The following EIPR1 variants were observed in gnomAD, a reference collection of about 807,000 sequenced individuals.
EIPR1 encodes the protein EARP complex and GARP complex interacting protein 1.
A neutral mutation model predicts 48.1 loss-of-function variants in EIPR1; 25 were observed. The ratio of observed to expected loss-of-function variants is 0.52; its 90% CI spans 0.38 to 0.73. EIPR1 has a LOEUF of 0.73. Among genes scored for constraint, EIPR1 ranks in the 30% least tolerant of loss-of-function variants. The probability of loss-of-function intolerance (pLI) is 0.00; values close to 1 mark genes in which losing one functional copy is unlikely to be tolerated. For missense variants in EIPR1, 415 were observed against 506.2 expected (o/e 0.82, Z 1.73); for synonymous variants, 204 against 201.9 (o/e 1.01, Z -0.09).
intron 4 of EIPR1, among the ~76,000 whole-genome samples, chr2:3,233,294 T>C (rs1666299279): frequency 6.6e-6 from 1 of 152,204 alleles, no homozygotes; most frequent in Admixed American, 6.5e-5. Context: ...CAGAATTCTA[T>C]CGTGTGAATT....
At chr2:3,201,563 G>A (rs925651425) in intron 5 of EIPR1, among the ~76,000 whole-genome samples, 2 of 152,338 alleles carry the variant, frequency 1.3e-5, no homozygotes, top group South Asian at 4.1e-4. Context: ...GGGAGGGAGA[G>A]CGTGGCTCCC....
chr2:3,372,321 A>G (rs1270062619), intron 1 of EIPR1, among the ~76,000 whole-genome samples: 2 of 151,318 alleles, frequency 1.3e-5, no homozygotes, highest in Admixed American at 6.6e-5. Flanking sequence ...AATTAAAAGA[A>G]CTAGAAAAGC....
intron 3 of EIPR1, among the ~76,000 whole-genome samples, chr2:3,306,214 C>T (rs1171566765): frequency 1.3e-5 from 2 of 152,246 alleles, no homozygotes; most frequent in Non-Finnish European, 2.9e-5. Flanking sequence ...CCCTTGGCTC[C>T]TCTGAACAGC....
chr2:3,249,809 T>G (rs1210937164), intron 4 of EIPR1, among the ~76,000 whole-genome samples: 3 of 152,338 alleles, frequency 2.0e-5, no homozygotes, highest in Middle Eastern at 3.4e-3. Flanking sequence ...CACTGCTCCC[T>G]GCATCTAGCT....
chr2:3,196,813 C>T (rs1664824014), intron 6 of EIPR1, 68 bp downstream of exon 6: 3 of 1,577,282 alleles, frequency 1.9e-6, no homozygotes, highest in South Asian at 2.3e-5. Flanking sequence ...ATCAGCTCCA[C>T]CATCATCCCG....
chr2:3,242,621 A>G (rs1284503648), intron 4 of EIPR1, among the ~76,000 whole-genome samples: 1 of 152,226 alleles, frequency 6.6e-6, no homozygotes, highest in Non-Finnish European at 1.5e-5. Context: ...ATGGCGTGGA[A>G]GCTTGTGCTC....
At chr2:3,263,480 T>A (rs6756734) in intron 3 of EIPR1, among the ~76,000 whole-genome samples, 3 of 152,188 alleles carry the variant, frequency 2.0e-5, no homozygotes, top group Admixed American at 6.5e-5. Flanking sequence ...AGACCACCCC[T>A]CAACGGCCCC....
intron 3 of EIPR1, 120 bp downstream of exon 3, chr2:3,337,897 C>T (rs1670114936): frequency 9.1e-7 from 1 of 1,101,774 alleles, no homozygotes; most frequent in African/African-American, 1.6e-5. Context: ...GCATGCAACA[C>T]CTTCATTAAT....
At chr2:3,316,801 C>A (rs1386521836) in intron 3 of EIPR1, among the ~76,000 whole-genome samples, 2 of 152,370 alleles carry the variant, frequency 1.3e-5, no homozygotes, top group Admixed American at 1.3e-4. Flanking sequence ...AGCCCCCTGA[C>A]CTGGTCCACA....
chr2:3,326,029 G>A (rs1036887115), intron 3 of EIPR1, among the ~76,000 whole-genome samples: 15 of 152,328 alleles, frequency 9.8e-5, no homozygotes, highest in East Asian at 9.7e-4. Context: ...GGGCTCCTGA[G>A]GCGGCTGCTC....
At chr2:3,368,107 G>A (rs1387250930) in intron 1 of EIPR1, among the ~76,000 whole-genome samples, 2 of 152,110 alleles carry the variant, frequency 1.3e-5, no homozygotes, top group Non-Finnish European at 2.9e-5. Flanking sequence ...TTCCTCACTT[G>A]GCAACAGGCA....
chr2:3,376,562 G>A (rs1357208552), intron 1 of EIPR1, among the ~76,000 whole-genome samples: 1 of 151,956 alleles, frequency 6.6e-6, no homozygotes, highest in Non-Finnish European at 1.5e-5. Context: ...GTGGTGGCGG[G>A]TGCCTGTAAT....
In EIPR1 at chr2:3,196,906, G is replaced by A. The variant is rs764291352; in HGVS notation, c.628C>T (p.Arg210Cys). 9.3e-6 allele frequency: 15 copies of A among 1,613,746 alleles called. No individual in the cohort carries two copies. The highest frequency in any genetic ancestry group is 2.2e-5 in the South Asian group (2 of 91,048). The change falls in exon 6 of 9, where the codon CGT becomes TGT. Residue 210 changes from arginine to cysteine, a missense_variant. Transcript: ENST00000382125. ...CTCATGCTCCGGGTGTCCCAGCCAC[G>A]GAGGGTGGTGTCGTTCGCTGTGGCC... is the stretch of plus-strand genomic sequence containing the variant. Reference protein sequence around the residue: ...QVATANDTTLRGWDTRSMSQI... With the variant: ...QVATANDTTLCGWDTRSMSQI...
intron 4 of EIPR1, among the ~76,000 whole-genome samples, chr2:3,219,347 C>T (rs1665780680): frequency 6.7e-6 from 1 of 149,982 alleles, no homozygotes; most frequent in African/African-American, 2.5e-5. Flanking sequence ...TAATCTAGAG[C>T]ATTCACAGTG....
intron 1 of EIPR1, among the ~76,000 whole-genome samples, chr2:3,365,356 C>T (rs1437966966): frequency 6.6e-6 from 1 of 152,048 alleles, no homozygotes; most frequent in Non-Finnish European, 1.5e-5. Flanking sequence ...CTTGTAGTCT[C>T]GGCTACTTGG....
In EIPR1 at chr2:3,287,981, G is replaced by T. The variant is rs1041792325; in HGVS notation, c.260-30526C>A. Among the ~76,000 whole-genome samples, 2 of 152,234 alleles carry T rather than the reference G, an allele frequency of 1.3e-5. 1 individual carries two copies. The highest frequency in any genetic ancestry group is 4.8e-5 in the African/African-American group (2 of 41,466). Reference sequence around the variant, plus strand: ...AGGAGTAGGCTGCCTGCACTAAGGGGTAATTGCCATGAGAGCTCCTCGTGG... The same window carrying T: ...AGGAGTAGGCTGCCTGCACTAAGGGTTAATTGCCATGAGAGCTCCTCGTGG... On this transcript the variant is annotated intron_variant, in intron 3 of 8. Coordinates refer to ENST00000382125, the MANE Select transcript of EIPR1 (RefSeq NM_003310.5).
At chr2:3,255,249 C>A (rs1198855200) in intron 4 of EIPR1, among the ~76,000 whole-genome samples, 2 of 150,826 alleles carry the variant, frequency 1.3e-5, no homozygotes. Context: ...GTAGCCTGAT[C>A]TCAGCTCACT....
rs576310903 is a variant in EIPR1, at chr2:3,365,505, T to C, written c.43-10872A>G. ...CTTTTTTTTTTTTTTAATTTATTTT[T>C]ATTGATCATTCTTGGGTGTTTCTCG... On this transcript the variant is annotated intron_variant, in intron 1 of 8. Transcript: ENST00000382125. Among the ~76,000 whole-genome samples, 8 of 151,622 alleles carry C rather than the reference T, an allele frequency of 5.3e-5. No individual in the cohort carries two copies. In the South Asian group the frequency reaches 1.7e-3, roughly 32 times the overall value.
At position 3,283,960 on chromosome 2, in the gene EIPR1, A is replaced by G. The variant is rs531082859; in HGVS notation, c.260-26505T>C. ...GACTACATCTAAAAAAAAAAAAAAA[A>G]AAAAAGAAAGAAAGAAAAAAAGAAA... On this transcript the variant is annotated intron_variant, in intron 3 of 8. Transcript: ENST00000382125. 2.1e-4 allele frequency among the ~76,000 whole-genome samples: 32 copies of G among 151,198 alleles called. No homozygotes were observed. In the South Asian group the frequency reaches 5.4e-3, roughly 26 times the overall value.
Sources: allele counts gnomAD v4.1 joint callset (sites outside exome capture counted in the v4.1 genomes callset), GRCh38; gene constraint gnomAD v4.1.1; transcripts MANE v1.5; gene names NCBI Gene and HGNC (gene_info 2026-07-23, HGNC 2026-07-21).